Variants in STAC observed in about 807,000 individuals in gnomAD.
STAC encodes the protein SH3 and cysteine rich domain.
In STAC, 43 loss-of-function variants were observed where a neutral mutation model predicts 48.8. The ratio of observed to expected loss-of-function variants is 0.88; its 90% CI spans 0.69 to 1.14. The LOEUF (loss-of-function observed/expected upper bound fraction) is 1.14, where lower values mean the gene tolerates loss of function less well. Ranked by LOEUF, STAC falls within the 50% of genes most tolerant of loss-of-function variation. The pLI is 0.00. For missense variants in STAC, 497 were observed against 504.0 expected, an observed-to-expected ratio of 0.99 and a Z score of 0.13; for synonymous variants, 193 against 179.5, an observed-to-expected ratio of 1.07 and a Z score of -0.60.
intron 1 of STAC, among the ~76,000 whole-genome samples, chr3:36,430,763 G>A (rs921843648): frequency 1.3e-5 from 2 of 152,142 alleles, no homozygotes; most frequent in Admixed American, 6.5e-5. Flanking sequence ...GGTTTCTTCT[G>A]GGGCCTTTCT....
At chr3:36,388,077 C>T (rs1369905904) in intron 1 of STAC, among the ~76,000 whole-genome samples, 2 of 152,120 alleles carry the variant, frequency 1.3e-5, no homozygotes, top group Non-Finnish European at 2.9e-5. Flanking sequence ...TTTTTATGTG[C>T]TTATAGGTTA....
At position 36,443,758 on chromosome 3, in the gene STAC, G is replaced by A. The variant is rs1370643472; in HGVS notation, c.388+118G>A. 7.5e-7 allele frequency: 1 copy of A among 1,336,414 alleles called. No homozygotes were observed. Among genetic ancestry groups the A allele is most frequent in the East Asian group, 2.3e-5 (1 of 42,926 alleles). The allele number at this position is 1,336,414 out of a possible 1,614,324, so 82.8% of individuals were successfully genotyped here. ...GCTAGGCCTCAGAGATTTACATGTG[G>A]GAAGATCATTCAGGAGTGCTTTGGG... On this transcript the variant is annotated intron_variant, in intron 2 of 10. Coordinates refer to ENST00000273183, the MANE Select transcript of STAC (RefSeq NM_003149.3). The surrounding 1 kb of genome is among the most constrained non-coding windows in gnomAD (Gnocchi z 4.2).
chr3:36,523,130 C>T (rs1015802750), intron 8 of STAC, among the ~76,000 whole-genome samples: 1 of 152,212 alleles, frequency 6.6e-6, no homozygotes, highest in Admixed American at 6.5e-5. Flanking sequence ...TGCAAGTACA[C>T]ACACACTCAA....
chr3:36,439,183 C>T (rs367856412), intron 1 of STAC, among the ~76,000 whole-genome samples: 4 of 152,272 alleles, frequency 2.6e-5, no homozygotes, highest in South Asian at 4.1e-4. Context: ...ATCTGTGTGA[C>T]CTTAGGCAAG....
chr3:36,506,465 A>G (rs1575247691), intron 8 of STAC, among the ~76,000 whole-genome samples: 1 of 152,174 alleles, frequency 6.6e-6, no homozygotes. Flanking sequence ...TTCTGTGAAG[A>G]AAGTCAGTGG....
rs753976628 is a variant in STAC, at chr3:36,547,280, CCAA to C, written c.*997_*999del. The C allele has an allele frequency of 2.0e-5, 3 of 152,482 alleles. No homozygotes were observed. The highest frequency in any genetic ancestry group is 2.9e-5 in the Non-Finnish European group (2 of 68,030). 9.4% of individuals were successfully genotyped at this position (152,482 alleles called of 1,614,324 possible). On this transcript the variant is annotated 3_prime_UTR_variant, in exon 11 of 11. Coordinates refer to ENST00000273183, the MANE Select transcript of STAC (RefSeq NM_003149.3). ...AGGGAACTAGGAACATGGAGGGGAA[CCAA>C]CAACAGCATCTTAGAAGAAATGTAG...
intron 10 of STAC, among the ~76,000 whole-genome samples, chr3:36,539,452 A>G (rs558580701): frequency 5.5e-4 from 83 of 152,224 alleles, no homozygotes; most frequent in Admixed American, 1.6e-3. Flanking sequence ...GAGAACATGC[A>G]GTATTTTTTT....
chr3:36,504,316 T>G, intron 6 of STAC, 77 bp from the exon 7 acceptor site: 1 of 1,340,614 alleles, frequency 7.5e-7, no homozygotes. Context: ...TTAGAATAAA[T>G]AAAGCCATCT....
intron 8 of STAC, among the ~76,000 whole-genome samples, chr3:36,513,621 A>G (rs1294179035): frequency 6.6e-6 from 1 of 152,076 alleles, no homozygotes; most frequent in Admixed American, 6.6e-5. Context: ...TCTACTTTCT[A>G]ATAATAAGGC....
At chr3:36,428,586 G>A (rs988694792) in intron 1 of STAC, among the ~76,000 whole-genome samples, 78 of 145,180 alleles carry the variant, frequency 5.4e-4, no homozygotes, top group African/African-American at 1.2e-4. Context: ...CACAGGGATC[G>A]GGGAAGTCTC....
chr3:36,514,068 C>A (rs937470442), intron 8 of STAC, among the ~76,000 whole-genome samples: 5 of 152,026 alleles, frequency 3.3e-5, no homozygotes, highest in Non-Finnish European at 5.9e-5. Context: ...CCTAAGTCTG[C>A]TCGAAACACA....
intron 8 of STAC, among the ~76,000 whole-genome samples, chr3:36,521,391 C>A (rs796414279): frequency 1.5e-4 from 23 of 152,192 alleles, no homozygotes; most frequent in African/African-American, 4.6e-4. Flanking sequence ...TATGAAAATG[C>A]AACTGTTCAT....
chr3:36,440,913 C>T (rs993437915), intron 1 of STAC, among the ~76,000 whole-genome samples: 1 of 152,098 alleles, frequency 6.6e-6, no homozygotes, highest in African/African-American at 2.4e-5. Flanking sequence ...GAGTACTGAG[C>T]ACCATTTGTT....
chr3:36,392,356 T>C lies in STAC; in HGVS notation c.111+11602T>C, dbSNP rs1699767967. 3.3e-5 allele frequency among the ~76,000 whole-genome samples: 5 copies of C among 152,132 alleles called. No homozygotes were observed. In the South Asian group the frequency reaches 6.2e-4, roughly 19 times the overall value. Reference sequence around the variant, plus strand: ...CTAGTCCTTTCCTTTCTTTCTTTTTTTGAGACAGGGTCTTACTGTGTCACC... The same window carrying C: ...CTAGTCCTTTCCTTTCTTTCTTTTTCTGAGACAGGGTCTTACTGTGTCACC... On this transcript the variant is annotated intron_variant, in intron 1 of 10. Coordinates refer to ENST00000273183, the MANE Select transcript of STAC (RefSeq NM_003149.3).
chr3:36,446,115 A>C (rs1005153801), intron 2 of STAC, among the ~76,000 whole-genome samples: 1 of 152,166 alleles, frequency 6.6e-6, no homozygotes, highest in Non-Finnish European at 1.5e-5. Flanking sequence ...TTGATGCCTG[A>C]AACTGCTACT....
intron 1 of STAC, among the ~76,000 whole-genome samples, chr3:36,382,468 T>G (rs927985235): frequency 2.6e-5 from 4 of 152,222 alleles, no homozygotes; most frequent in Admixed American, 6.5e-5. Flanking sequence ...TTTATCTGGC[T>G]TATGGTTTTG....
At chr3:36,448,531 A>G (rs2125672064) in intron 2 of STAC, among the ~76,000 whole-genome samples, 1 of 152,292 alleles carries the variant, frequency 6.6e-6, no homozygotes, top group South Asian at 2.1e-4. Context: ...TGGTCACGGA[A>G]TTTTAAGTGA....
chr3:36,470,933 A>G (rs1697316350), intron 2 of STAC, among the ~76,000 whole-genome samples: 1 of 152,252 alleles, frequency 6.6e-6, no homozygotes, highest in African/African-American at 2.4e-5. Context: ...GTGAACTTTT[A>G]TAAAGCAAGG....
chr3:36,410,218 CTATATA>C (rs1196847574), intron 1 of STAC, among the ~76,000 whole-genome samples: 1 of 152,078 alleles, frequency 6.6e-6, no homozygotes, highest in African/African-American at 2.4e-5. Context: ...GTACATATTA[CTATATA>C]TATAGATTTA....
Sources: allele counts gnomAD v4.1 joint callset (sites outside exome capture counted in the v4.1 genomes callset), GRCh38; gene constraint gnomAD v4.1.1; non-coding constraint Gnocchi (gnomAD v3.1); transcripts MANE v1.5; gene names NCBI Gene and HGNC (gene_info 2026-07-23, HGNC 2026-07-21).